The following SGCZ variants were observed in gnomAD, a reference collection of about 807,000 sequenced individuals.
The protein encoded by SGCZ is zeta-sarcoglycan.
In SGCZ, 40 loss-of-function variants were observed where a neutral mutation model predicts 41.3. The ratio of observed to expected loss-of-function variants is 0.97; its 90% CI spans 0.75 to 1.26. SGCZ has a LOEUF of 1.26. SGCZ is among the 50% of genes most tolerant of loss of function. The pLI, the probability that SGCZ is intolerant of heterozygous loss-of-function variation, is 0.00. For synonymous variants in SGCZ, 206 were observed against 137.5 expected (o/e 1.50, Z -3.49); for missense variants, 552 against 369.8 (o/e 1.49, Z -4.04).
chr8:14,460,376 A>G (rs1585544886), intron 2 of SGCZ, among the ~76,000 whole-genome samples: 3 of 152,300 alleles, frequency 2.0e-5, no homozygotes, highest in Admixed American at 2.0e-4. Context: ...GATATTTAGG[A>G]TAATGAAGGC....
chr8:15,228,639 C>G (rs1046005489), intron 1 of SGCZ, among the ~76,000 whole-genome samples: 2 of 152,144 alleles, frequency 1.3e-5, no homozygotes, highest in Non-Finnish European at 2.9e-5. Flanking sequence ...TTTAGAAATA[C>G]AGGTGATGAT....
chr8:14,599,391 C>T (rs1563143108), intron 1 of SGCZ, among the ~76,000 whole-genome samples: 1 of 152,174 alleles, frequency 6.6e-6, no homozygotes, highest in Non-Finnish European at 1.5e-5. Flanking sequence ...ATTCTCTCAC[C>T]TACTCAGCAC....
At chr8:14,647,450 T>C (rs1478312154) in intron 1 of SGCZ, among the ~76,000 whole-genome samples, 2 of 152,036 alleles carry the variant, frequency 1.3e-5, no homozygotes, top group African/African-American at 2.4e-5. Flanking sequence ...ATTAATTGCA[T>C]TCATATTTCT....
At chr8:14,637,930 C>T (rs938489245) in intron 1 of SGCZ, among the ~76,000 whole-genome samples, 1 of 151,810 alleles carries the variant, frequency 6.6e-6, no homozygotes, top group African/African-American at 2.4e-5. Flanking sequence ...ACATTCCTAC[C>T]ATCAGTGTGT....
intron 1 of SGCZ, among the ~76,000 whole-genome samples, chr8:14,571,973 T>C (rs1804567901): frequency 6.6e-6 from 1 of 152,166 alleles, no homozygotes; most frequent in Non-Finnish European, 1.5e-5. Flanking sequence ...GGAAAAGAAA[T>C]AATAACAATT....
chr8:14,685,742 T>C (rs550505892), intron 1 of SGCZ, among the ~76,000 whole-genome samples: 39 of 152,186 alleles, frequency 2.6e-4, no homozygotes, highest in Non-Finnish European at 5.0e-4. Flanking sequence ...AAATGTATGA[T>C]TTAATTTACA....
At chr8:14,309,830 G>C (rs191278103) in intron 3 of SGCZ, among the ~76,000 whole-genome samples, 1 of 151,998 alleles carries the variant, frequency 6.6e-6, no homozygotes, top group Non-Finnish European at 1.5e-5. Flanking sequence ...ATTCGCCTTT[G>C]TCTTGTACTT....
chr8:15,193,170 T>G (rs972629009), intron 1 of SGCZ, among the ~76,000 whole-genome samples: 10 of 152,064 alleles, frequency 6.6e-5, no homozygotes, highest in Admixed American at 5.9e-4. Context: ...TTCTAATAGT[T>G]TAATGTATTA....
intron 1 of SGCZ, among the ~76,000 whole-genome samples, chr8:14,657,103 G>A (rs1216010537): frequency 2.0e-5 from 3 of 151,964 alleles, no homozygotes; most frequent in African/African-American, 7.3e-5. Context: ...AATTAATGAG[G>A]TTTGTAAATG....
intron 1 of SGCZ, among the ~76,000 whole-genome samples, chr8:14,714,387 G>A (rs1809620774): frequency 6.6e-6 from 1 of 152,136 alleles, no homozygotes; most frequent in African/African-American, 2.4e-5. Flanking sequence ...TCAAGCTCAT[G>A]ATTACTTCAA....
At chr8:14,455,077 G>C (rs1272022087) in intron 2 of SGCZ, among the ~76,000 whole-genome samples, 1 of 151,976 alleles carries the variant, frequency 6.6e-6, no homozygotes, top group African/African-American at 2.4e-5. Context: ...CACAAGAGCA[G>C]TCAGAAATAA....
intron 3 of SGCZ, among the ~76,000 whole-genome samples, chr8:14,239,779 G>C (rs1798797433): frequency 6.7e-6 from 1 of 149,344 alleles, no homozygotes; most frequent in African/African-American, 2.5e-5. Flanking sequence ...GCGGGCGCCT[G>C]TAGTCCCAGC....
intron 1 of SGCZ, among the ~76,000 whole-genome samples, chr8:15,098,983 G>C (rs2131077903): frequency 6.6e-6 from 1 of 151,922 alleles, no homozygotes; most frequent in Non-Finnish European, 1.5e-5. Context: ...ACTTGAACCT[G>C]GGAGACGGAG....
intron 1 of SGCZ, among the ~76,000 whole-genome samples, chr8:14,939,082 G>C (rs532811693): frequency 6.6e-6 from 1 of 152,234 alleles, no homozygotes; most frequent in East Asian, 1.9e-4. Flanking sequence ...ACTCATTAAA[G>C]AGCTCTAGGA....
At chr8:14,512,585 G>C (rs1183906642) in intron 2 of SGCZ, among the ~76,000 whole-genome samples, 4 of 151,718 alleles carry the variant, frequency 2.6e-5, no homozygotes, top group African/African-American at 9.7e-5. Flanking sequence ...TCAGCCTCCA[G>C]AGTAACTAGG....
intron 1 of SGCZ, among the ~76,000 whole-genome samples, chr8:14,556,019 T>G (rs1350267047): frequency 6.6e-6 from 1 of 151,970 alleles, no homozygotes; most frequent in Non-Finnish European, 1.5e-5. Flanking sequence ...TCTTTGATAA[T>G]GCATACATTC....
At chr8:14,179,616 T>C (rs747332648) in intron 4 of SGCZ, among the ~76,000 whole-genome samples, 6 of 152,100 alleles carry the variant, frequency 3.9e-5, no homozygotes, top group Non-Finnish European at 7.3e-5. Context: ...CAAATAGTCA[T>C]GGATGGCGTA....
intron 1 of SGCZ, among the ~76,000 whole-genome samples, chr8:14,610,822 T>C (rs1805903833): frequency 6.6e-6 from 1 of 152,214 alleles, no homozygotes. Context: ...ATACTTCATC[T>C]TCAGAATTGA....
intron 2 of SGCZ, among the ~76,000 whole-genome samples, chr8:14,414,634 A>T (rs898259292): frequency 6.6e-6 from 1 of 152,018 alleles, no homozygotes; most frequent in South Asian, 2.1e-4. Context: ...ACCTCCAACC[A>T]ATGCTATAGC....
Sources: gnomAD v4.1 joint callset for allele counts (sites outside exome capture counted in the v4.1 genomes callset) on GRCh38, gnomAD v4.1.1 for gene constraint, MANE v1.5 for transcripts, NCBI Gene and HGNC (gene_info 2026-07-23, HGNC 2026-07-21) for gene names.